The following COL25A1 variants were observed in gnomAD, a reference collection of about 807,000 sequenced individuals.
The protein encoded by COL25A1 is collagen alpha-1(XXV) chain.
COL25A1 carries 103 observed loss-of-function variants against 128.4 expected under a neutral mutation model. That is an observed-to-expected ratio of 0.80 (90% CI 0.68 to 0.94). COL25A1 has a LOEUF of 0.94. Ranked by LOEUF, COL25A1 falls within the 40% of genes least tolerant of loss-of-function variation. The pLI is 0.00. For synonymous variants in COL25A1, 279 were observed against 277.2 expected (o/e 1.01, Z -0.06); for missense variants, 745 against 840.0 (o/e 0.89, Z 1.40).
intron 35 of COL25A1, 42 bp downstream of exon 35, chr4:108,824,132 G>A: frequency 6.2e-7 from 1 of 1,613,960 alleles, no homozygotes. Context: ...CAGACAGCAG[G>A]AGAAGAATCA....
chr4:109,220,160 T>C (rs1296156698), intron 3 of COL25A1, among the ~76,000 whole-genome samples: 2 of 152,180 alleles, frequency 1.3e-5, no homozygotes, highest in South Asian at 2.1e-4. Context: ...AAAAACACAC[T>C]ATGAGAAAAT....
At chr4:109,091,155 C>T (rs930664062) in intron 3 of COL25A1, among the ~76,000 whole-genome samples, 3 of 152,158 alleles carry the variant, frequency 2.0e-5, no homozygotes, top group South Asian at 2.1e-4. Context: ...ACATCCAAAG[C>T]CTTCAATACT....
chr4:109,017,764 A>G (rs1425355), intron 5 of COL25A1, among the ~76,000 whole-genome samples: 77,702 of 152,042 alleles, frequency 0.51, 22,611 homozygotes, highest in African/African-American at 0.78. Context: ...ACTTCCATCT[A>G]CAAAAACTTG....
rs758935814 is a variant in COL25A1 at position 108,953,640 on chromosome 4, G to T, written c.493-12203C>A. Among the ~76,000 whole-genome samples the T allele has an allele frequency of 3.3e-5, 5 of 152,232 alleles. No individual in the cohort carries two copies. In the South Asian group the frequency reaches 1.0e-3, roughly 32 times the overall value. The stretch of plus-strand genomic sequence containing the variant: ...TAATCCCTTGATTTTTGCCACAGAT[G>T]AAAGCAGACCTAGTGTGGCTACATC... On this transcript the variant is annotated intron_variant, in intron 8 of 37. Transcript: ENST00000399132.
Position 108,810,723 on chromosome 4 carries a change from C to T in COL25A1, c.*3204G>A, listed in dbSNP as rs972135423. On this transcript the variant is annotated 3_prime_UTR_variant, in exon 38 of 38. Transcript: ENST00000399132. ...ATATGAAATAGGAGGATCCATGATC[C>T]GAGTAAACACACATCATCTATTGGT... The T allele has an allele frequency of 1.3e-5, 2 of 151,868 alleles. No homozygotes were observed. Among genetic ancestry groups the T allele is most frequent in the African/African-American group, 4.8e-5 (2 of 41,388 alleles). 9.4% of individuals were successfully genotyped at this position (151,868 alleles called of 1,614,324 possible).
chr4:108,963,232 T>C (rs1313253997), intron 8 of COL25A1, among the ~76,000 whole-genome samples: 5 of 152,216 alleles, frequency 3.3e-5, no homozygotes, highest in African/African-American at 1.2e-4. Flanking sequence ...TTTTATGCTT[T>C]CTTGACTTCT....
chr4:108,866,537 C>G (rs753311662), intron 20 of COL25A1, among the ~76,000 whole-genome samples: 2 of 152,200 alleles, frequency 1.3e-5, no homozygotes, highest in Non-Finnish European at 2.9e-5. Context: ...CTCTCAGGCA[C>G]TAATGTAGGT....
chr4:108,870,332 A>C (rs1278955146), intron 19 of COL25A1, among the ~76,000 whole-genome samples: 1 of 152,128 alleles, frequency 6.6e-6, no homozygotes, highest in Non-Finnish European at 1.5e-5. Context: ...AATATGCTAT[A>C]AAAAACCTTG....
chr4:109,109,358 G>A (rs1439237369), intron 3 of COL25A1, among the ~76,000 whole-genome samples: 3 of 152,150 alleles, frequency 2.0e-5, no homozygotes, highest in Non-Finnish European at 2.9e-5. Context: ...ATCAGTTCTG[G>A]AGAATATATA....
Position 109,106,634 on chromosome 4 carries a change from C to T in COL25A1, c.368-56455G>A, listed in dbSNP as rs111753844. Among the ~76,000 whole-genome samples the T allele has an allele frequency of 3.4e-3, 522 of 152,148 alleles. 3 individuals carry two copies. The highest frequency in any genetic ancestry group is 0.012 in the African/African-American group (499 of 41,498). The stretch of plus-strand genomic sequence containing the variant: ...TAAGAGCATTTGTGTGTATATCTTA[C>T]TAACACTGGGCAGAGAATATTAGCT... On this transcript the variant is annotated intron_variant, in intron 3 of 37. Coordinates refer to ENST00000399132, the MANE Select transcript of COL25A1 (RefSeq NM_198721.4).
At chr4:108,819,197 C>T (rs576609210) in intron 36 of COL25A1, 55 bp downstream of exon 36, 4 of 1,330,072 alleles carry the variant, frequency 3.0e-6, no homozygotes, top group African/African-American at 1.5e-5. Context: ...TAGAGATGAA[C>T]ATGTGATAAA....
At position 109,263,209 on chromosome 4, in the gene COL25A1, A is replaced by G. The variant is rs190271639; in HGVS notation, c.367+37374T>C. ...AAAATTGTAAATTACGAAGTCTTTT[A>G]CAATATATCATGTTGGGGAGTTGCT... On this transcript the variant is annotated intron_variant, in intron 3 of 37. Coordinates refer to ENST00000399132, the MANE Select transcript of COL25A1 (RefSeq NM_198721.4). 4.6e-5 allele frequency among the ~76,000 whole-genome samples: 7 copies of G among 152,346 alleles called. No individual in the cohort carries two copies. The East Asian group carries it at 1.3e-3, about 29-fold the overall frequency.
At position 108,843,134 on chromosome 4, in the gene COL25A1, G is replaced by A. The variant is rs151232102; in HGVS notation, c.1629+1385C>T. On this transcript the variant is annotated intron_variant, in intron 30 of 37. Transcript: ENST00000399132. ...ACTGTACTCCAGCCTGGGTGACAGA[G>A]TGAGACCCTGTCTCAAAAAAAAAAA... Among the ~76,000 whole-genome samples, 888 of 109,584 alleles carry A rather than the reference G, an allele frequency of 8.1e-3. 9 individuals carry two copies. The highest frequency in any genetic ancestry group is 0.03 in the African/African-American group (846 of 27,882). 71.9% of individuals were successfully genotyped at this position (109,584 alleles called of 152,430 possible). A position where few individuals can be genotyped will look rare whatever the true frequency, so the allele number is the denominator to read the frequency against.
intron 3 of COL25A1, among the ~76,000 whole-genome samples, chr4:109,261,489 T>C (rs1334340975): frequency 6.6e-6 from 1 of 152,076 alleles, no homozygotes; most frequent in African/African-American, 2.4e-5. Flanking sequence ...GATCGTGCCA[T>C]GGCCCTCCAG....
chr4:109,273,529 C>T (rs1782339577), intron 3 of COL25A1, among the ~76,000 whole-genome samples: 1 of 152,000 alleles, frequency 6.6e-6, no homozygotes, highest in Admixed American at 6.6e-5. Context: ...CGATAAAATG[C>T]CAACTTGTCA....
At chr4:109,236,669 T>G (rs1779500152) in intron 3 of COL25A1, among the ~76,000 whole-genome samples, 1 of 152,136 alleles carries the variant, frequency 6.6e-6, no homozygotes, top group Non-Finnish European at 1.5e-5. Flanking sequence ...CCTCCAAAAA[T>G]TAATTTCTTC....
At chr4:109,178,327 C>T (rs1168933185) in intron 3 of COL25A1, among the ~76,000 whole-genome samples, 1 of 152,132 alleles carries the variant, frequency 6.6e-6, no homozygotes, top group Non-Finnish European at 1.5e-5. Flanking sequence ...AAAACATTGT[C>T]CTTTTAACCT....
intron 3 of COL25A1, among the ~76,000 whole-genome samples, chr4:109,073,147 G>T (rs903278900): frequency 6.6e-6 from 1 of 152,106 alleles, no homozygotes; most frequent in African/African-American, 2.4e-5. Context: ...ATGTGTGTGT[G>T]GGGGAGGGGC....
chr4:109,050,424 G>C (rs896509249), intron 3 of COL25A1, among the ~76,000 whole-genome samples: 1 of 151,922 alleles, frequency 6.6e-6, no homozygotes, highest in African/African-American at 2.4e-5. Flanking sequence ...CTAACGATTG[G>C]GAATTTTTGT....
Sources: allele counts gnomAD v4.1 joint callset (sites outside exome capture counted in the v4.1 genomes callset), GRCh38; gene constraint gnomAD v4.1.1; transcripts MANE v1.5; gene names NCBI Gene and HGNC (gene_info 2026-07-23, HGNC 2026-07-21).